ATXN1: variants seen among roughly 807,000 people sequenced by gnomAD.
ATXN1 encodes ataxin-1.
Under a neutral mutation model 56.4 loss-of-function variants are expected in ATXN1, and 8 were observed. The observed-to-expected ratio is 0.14, with a 90% CI of 0.08 to 0.26. The LOEUF (loss-of-function observed/expected upper bound fraction) is 0.26, where lower values mean the gene tolerates loss of function less well. Ranked by LOEUF, ATXN1 falls within the 10% of genes least tolerant of loss-of-function variation. ATXN1 has a pLI of 1.00. For synonymous variants in ATXN1, 514 were observed against 494.6 expected (o/e 1.04, Z -0.52); for missense variants, 987 against 1,106.5 (o/e 0.89, Z 1.53).
intron 4 of ATXN1, among the ~76,000 whole-genome samples, chr6:16,553,901 T>C (rs1761965067): frequency 6.6e-6 from 1 of 152,154 alleles, no homozygotes; most frequent in African/African-American, 2.4e-5. Flanking sequence ...AATCTTAAAA[T>C]AGGGAAAGCT....
rs527395469 is a variant in ATXN1, at chr6:16,341,633, C to T, written c.-160-13163G>A. Among the ~76,000 whole-genome samples the T allele has an allele frequency of 1.3e-3, 198 of 151,628 alleles. 1 individual carries two copies. The highest frequency in any genetic ancestry group is 4.7e-3 in the African/African-American group (192 of 41,282). On this transcript the variant is annotated intron_variant, in intron 6 of 7. Coordinates refer to ENST00000436367, the MANE Select transcript of ATXN1 (RefSeq NM_001128164.2). ...TCCCGGGTTCACACCATTCTCCTGC[C>T]TCAGCCTCCCGAGTGGCTGGGACTA...
At chr6:16,633,464 T>TC (rs1763541055) in intron 3 of ATXN1, among the ~76,000 whole-genome samples, 1 of 152,202 alleles carries the variant, frequency 6.6e-6, no homozygotes, top group Non-Finnish European at 1.5e-5. Flanking sequence ...GTAATGTTTT[T>TC]CCCCAAGCAC....
At chr6:16,476,294 T>C (rs911184688) in intron 6 of ATXN1, among the ~76,000 whole-genome samples, 25 of 152,216 alleles carry the variant, frequency 1.6e-4, no homozygotes, top group Admixed American at 8.5e-4. Flanking sequence ...GAAAAGAATA[T>C]GAAGCACGAA....
At position 16,717,933 on chromosome 6, in the gene ATXN1, T is replaced by C. The variant is rs557464999; in HGVS notation, c.-615+35300A>G. Among the ~76,000 whole-genome samples the C allele has an allele frequency of 1.5e-4, 23 of 152,348 alleles. No homozygotes were observed. The South Asian group carries it at 4.8e-3, about 32-fold the overall frequency. The stretch of plus-strand genomic sequence containing the variant: ...TTTAGGATGATGAAGCCAAAGAACC[T>C]GGTGCTTCAGGACAAAGTTTCTGTT... On this transcript the variant is annotated intron_variant, in intron 2 of 7. Coordinates refer to ENST00000436367, the MANE Select transcript of ATXN1 (RefSeq NM_001128164.2).
At chr6:16,380,407 G>A (rs1282773107) in intron 6 of ATXN1, among the ~76,000 whole-genome samples, 1 of 151,788 alleles carries the variant, frequency 6.6e-6, no homozygotes, top group Non-Finnish European at 1.5e-5. Flanking sequence ...ATATTCTTGT[G>A]AGTTCCTGTG....
chr6:16,363,597 T>C (rs1761858684), intron 6 of ATXN1, among the ~76,000 whole-genome samples: 1 of 152,202 alleles, frequency 6.6e-6, no homozygotes, highest in African/African-American at 2.4e-5. Context: ...CCTTCAAGCA[T>C]AGAATGAGTT....
chr6:16,588,919 C>T (rs572239622), intron 3 of ATXN1, among the ~76,000 whole-genome samples: 4 of 152,260 alleles, frequency 2.6e-5, no homozygotes, highest in African/African-American at 9.6e-5. Context: ...CATCTACATT[C>T]CTTTGGGTAA....
chr6:16,458,042 G>A (rs1759914764), intron 6 of ATXN1, among the ~76,000 whole-genome samples: 1 of 152,222 alleles, frequency 6.6e-6, no homozygotes, highest in African/African-American at 2.4e-5. Flanking sequence ...CACTTGGAGA[G>A]ATGTCATGCT....
chr6:16,471,293 A>G (rs890936167), intron 6 of ATXN1, among the ~76,000 whole-genome samples: 2 of 152,056 alleles, frequency 1.3e-5, no homozygotes, highest in African/African-American at 2.4e-5. Flanking sequence ...AACCATCACA[A>G]TGTAAGTTAA....
chr6:16,605,154 G>C (rs996074306), intron 3 of ATXN1, among the ~76,000 whole-genome samples: 1 of 152,218 alleles, frequency 6.6e-6, no homozygotes, highest in Admixed American at 6.5e-5. Context: ...ATGCAGCACA[G>C]TATCAATTTA....
At position 16,621,004 on chromosome 6, in the gene ATXN1, T is replaced by C. The variant is rs565246889; in HGVS notation, c.-488-35097A>G. On this transcript the variant is annotated intron_variant, in intron 3 of 7. Coordinates refer to ENST00000436367, the MANE Select transcript of ATXN1 (RefSeq NM_001128164.2). ...GTGGGCTTCTACATCCCGAAACAAA[T>C]GAAAGAAAATTAAAAGATAAATAAA... Among the ~76,000 whole-genome samples, 24 of 152,278 alleles carry C rather than the reference T, an allele frequency of 1.6e-4. No individual in the cohort carries two copies. In the South Asian group the frequency reaches 5.0e-3, roughly 32 times the overall value.
At chr6:16,411,176 T>C (rs1273670945) in intron 6 of ATXN1, among the ~76,000 whole-genome samples, 1 of 115,556 alleles carries the variant, frequency 8.7e-6, no homozygotes, top group Non-Finnish European at 2.0e-5. Context: ...AGATGTAAAA[T>C]AATTTGAAAA....
chr6:16,666,271 A>G (rs1306306505), intron 2 of ATXN1, among the ~76,000 whole-genome samples: 3 of 152,228 alleles, frequency 2.0e-5, no homozygotes, highest in African/African-American at 4.8e-5. Context: ...TTTACTTAAC[A>G]TAACGTCTTC....
chr6:16,425,235 A>G (rs975650666), intron 6 of ATXN1, among the ~76,000 whole-genome samples: 1 of 152,224 alleles, frequency 6.6e-6, no homozygotes, highest in Non-Finnish European at 1.5e-5. Context: ...CTAACTTCAC[A>G]TTTGGGAAAA....
intron 6 of ATXN1, among the ~76,000 whole-genome samples, chr6:16,357,904 G>C (rs890949669): frequency 5.0e-4 from 76 of 152,284 alleles, no homozygotes; most frequent in African/African-American, 1.8e-3. Flanking sequence ...CGTTAATAAA[G>C]ATAGTAAGAC....
chr6:16,394,455 T>C (rs184805999), intron 6 of ATXN1, among the ~76,000 whole-genome samples: 3 of 152,376 alleles, frequency 2.0e-5, no homozygotes, highest in Admixed American at 2.0e-4. Context: ...CTTATATTTA[T>C]GGGCTAGAGT....
chr6:16,326,349 T>C lies in ATXN1; in HGVS notation c.1917+45A>G. On this transcript the variant is annotated intron_variant, in intron 7 of 7. Transcript: ENST00000436367. The surrounding 1 kb of genome is among the most constrained non-coding windows in gnomAD (Gnocchi z 6.6). Reference sequence around the variant, plus strand: ...GTCTTGCCAGGAGATGATGATGGCATCACGGTGTGGTGTCCCATCCCTGTG... The same window carrying C: ...GTCTTGCCAGGAGATGATGATGGCACCACGGTGTGGTGTCCCATCCCTGTG... 4 of 1,600,740 alleles carry C rather than the reference T, an allele frequency of 2.5e-6. No individual in the cohort carries two copies. The highest frequency in any genetic ancestry group is 3.4e-6 in the Non-Finnish European group (4 of 1,173,204).
In ATXN1 at chr6:16,611,849, ATTTTTTTTT is replaced by A. The variant is rs369870821; in HGVS notation, c.-488-25951_-488-25943del. On this transcript the variant is annotated intron_variant, in intron 3 of 7. Transcript: ENST00000436367. ...GTCCTTGGAAAAATAAGCAGATGAAATTTTTTTTTTTTTTTTTTTTTTTTTTTTGAGACA... is the reference window on the plus strand; with the variant it reads ...GTCCTTGGAAAAATAAGCAGATGAAATTTTTTTTTTTTTTTTTTTGAGACA... Among the ~76,000 whole-genome samples the A allele has an allele frequency of 5.4e-3, 409 of 75,176 alleles. 1 individual carries two copies. The highest frequency in any genetic ancestry group is 8.8e-3 in the Non-Finnish European group (366 of 41,514). The allele number at this position is 75,176 out of a possible 152,430, so 49.3% of individuals were successfully genotyped here.
intron 7 of ATXN1, among the ~76,000 whole-genome samples, chr6:16,316,863 G>GTTTTTT (rs1561847571): frequency 3.6e-5 from 3 of 84,240 alleles, no homozygotes; most frequent in South Asian, 4.8e-4. Flanking sequence ...GAGACTGCCT[G>GTTTTTT]TCTTTTTTTT....
Sources: gnomAD v4.1 joint callset for allele counts (sites outside exome capture counted in the v4.1 genomes callset) on GRCh38, gnomAD v4.1.1 for gene constraint, Gnocchi (gnomAD v3.1) non-coding constraint, MANE v1.5 for transcripts, NCBI Gene and HGNC (gene_info 2026-07-23, HGNC 2026-07-21) for gene names.